Variants in FBXW8 observed in about 807,000 individuals in gnomAD.
FBXW8 encodes F-box and WD repeat domain containing 8.
In FBXW8, 57 loss-of-function variants were observed where a neutral mutation model predicts 65.3. That is an observed-to-expected ratio of 0.87 (90% confidence interval 0.71 to 1.09). The LOEUF (loss-of-function observed/expected upper bound fraction) is 1.09, where lower values mean the gene tolerates loss of function less well. Ranked by LOEUF, FBXW8 falls within the 50% of genes least tolerant of loss-of-function variation. The pLI, the probability that FBXW8 is intolerant of heterozygous loss-of-function variation, is 0.00. For missense variants in FBXW8, 777 were observed against 814.8 expected, an observed-to-expected ratio of 0.95 and a Z score of 0.57; for synonymous variants, 308 against 330.2, an observed-to-expected ratio of 0.93 and a Z score of 0.73.
At chr12:116,918,248 T>TA (rs1880604242) in intron 1 of FBXW8, among the ~76,000 whole-genome samples, 1 of 152,200 alleles carries the variant, frequency 6.6e-6, no homozygotes, top group African/African-American at 2.4e-5. Flanking sequence ...TTCTTGGAGA[T>TA]AGTGGATATA....
chr12:117,011,242 G>C (rs1445806431), intron 8 of FBXW8, among the ~76,000 whole-genome samples: 1 of 151,378 alleles, frequency 6.6e-6, no homozygotes, highest in Non-Finnish European at 1.5e-5. Context: ...CCGGCCCCGG[G>C]CTGCAGGTGG....
chr12:117,015,039 A>C (rs949405169), intron 8 of FBXW8, among the ~76,000 whole-genome samples: 2 of 152,126 alleles, frequency 1.3e-5, no homozygotes, highest in African/African-American at 2.4e-5. Context: ...CACAAGAAAG[A>C]GAAAAAAACC....
chr12:116,966,522 C>T (rs894579521), intron 5 of FBXW8, among the ~76,000 whole-genome samples: 2 of 152,090 alleles, frequency 1.3e-5, no homozygotes, highest in South Asian at 2.1e-4. Context: ...GAATCCTGAA[C>T]ATAAAGACTC....
chr12:116,985,367 T>C lies in FBXW8; in HGVS notation c.997T>C (p.Trp333Arg). Reference protein sequence around the residue: ...VMLSPNEEGYWQIAAEFEVPK... With the variant: ...VMLSPNEEGYRQIAAEFEVPK... ...GTTATCCCCCAATGAGGAGGGGTACTGGCAGATAGCTGCGGAATTTGAAGT... is the reference window on the plus strand; with the variant it reads ...GTTATCCCCCAATGAGGAGGGGTACCGGCAGATAGCTGCGGAATTTGAAGT... The change falls in exon 6 of 11, where the codon TGG (tryptophan) becomes CGG (arginine). Residue 333 changes from tryptophan to arginine, a missense_variant. By Grantham distance (101) the Trp-to-Arg change is moderately radical. Transcript: ENST00000652555. The C allele has an allele frequency of 1.2e-6, 2 of 1,613,056 alleles. No homozygotes were observed. The highest frequency in any genetic ancestry group is 8.5e-7 in the Non-Finnish European group (1 of 1,179,776).
chr12:116,932,249 C>T (rs1044351511), intron 2 of FBXW8, among the ~76,000 whole-genome samples: 4 of 152,168 alleles, frequency 2.6e-5, no homozygotes, highest in Admixed American at 2.0e-4. Flanking sequence ...ATCCATTCTC[C>T]ATAACTGCCA....
At chr12:116,984,110 A>G (rs1230781787) in intron 5 of FBXW8, among the ~76,000 whole-genome samples, 1 of 152,232 alleles carries the variant, frequency 6.6e-6, no homozygotes, top group East Asian at 1.9e-4. Context: ...TTCTTGGGTA[A>G]ATCTTCGAAG....
intron 7 of FBXW8, among the ~76,000 whole-genome samples, chr12:116,991,237 C>A (rs193251992): frequency 6.6e-6 from 1 of 152,226 alleles, no homozygotes; most frequent in Non-Finnish European, 1.5e-5. Flanking sequence ...AGGAATGCCA[C>A]CCACTCAAAA....
chr12:116,951,592 C>G (rs11830219), intron 4 of FBXW8, among the ~76,000 whole-genome samples: 2,297 of 152,136 alleles, frequency 0.015, 53 homozygotes, highest in African/African-American at 0.046. Flanking sequence ...TTTTATGTAC[C>G]TAGAGCTAAA....
intron 8 of FBXW8, among the ~76,000 whole-genome samples, chr12:117,016,040 C>T (rs1953940434): frequency 1.3e-5 from 2 of 152,160 alleles, no homozygotes; most frequent in African/African-American, 2.4e-5. Flanking sequence ...AGTAATATTC[C>T]CTTGTACAGA....
At chr12:117,025,623 C>G (rs1165615001) in intron 9 of FBXW8, among the ~76,000 whole-genome samples, 1 of 152,228 alleles carries the variant, frequency 6.6e-6, no homozygotes, top group Non-Finnish European at 1.5e-5. Context: ...TTTTATCAGA[C>G]AGAGCCCTGG....
intron 7 of FBXW8, among the ~76,000 whole-genome samples, chr12:116,996,273 C>T (rs933385788): frequency 6.6e-6 from 1 of 152,196 alleles, no homozygotes; most frequent in East Asian, 1.9e-4. Context: ...GCGCTGCTGC[C>T]TCAGCTTACA....
At chr12:116,973,228 A>G (rs150704057) in intron 5 of FBXW8, among the ~76,000 whole-genome samples, 59 of 152,356 alleles carry the variant, frequency 3.9e-4, no homozygotes, top group African/African-American at 8.4e-4. Context: ...TAGAATGTCA[A>G]CTAATAAATG....
intron 5 of FBXW8, among the ~76,000 whole-genome samples, chr12:116,980,851 GTT>G (rs1885256565): frequency 6.6e-6 from 1 of 152,080 alleles, no homozygotes; most frequent in Non-Finnish European, 1.5e-5. Flanking sequence ...TGATCATTGT[GTT>G]TTATATTTTA....
chr12:116,927,013 C>T lies in FBXW8; in HGVS notation c.319-1010C>T, dbSNP rs962430963. On this transcript the variant is annotated intron_variant, in intron 1 of 10. Transcript: ENST00000652555. ...GTATTTGAGTGGTGAATTAACAATT[C>T]GCTTGTAAGCAGTAAGTCACTGATG... Among the ~76,000 whole-genome samples, 6 of 151,974 alleles carry T rather than the reference C, an allele frequency of 3.9e-5. 1 individual carries two copies. The highest frequency in any genetic ancestry group is 1.3e-4 in the Admixed American group (2 of 15,258).
chr12:117,019,765 T>G (rs950017849), intron 8 of FBXW8, among the ~76,000 whole-genome samples: 1 of 152,134 alleles, frequency 6.6e-6, no homozygotes, highest in Non-Finnish European at 1.5e-5. Flanking sequence ...ATGAATGAAT[T>G]CTTGTTTTTT....
intron 1 of FBXW8, among the ~76,000 whole-genome samples, chr12:116,918,029 C>T (rs1880582841): frequency 6.6e-6 from 1 of 151,940 alleles, no homozygotes; most frequent in Non-Finnish European, 1.5e-5. Flanking sequence ...CGCAGGACTC[C>T]TCCCAAGCCT....
chr12:116,980,426 CAT>C (rs1421783190), intron 5 of FBXW8: 2 of 152,178 alleles, frequency 1.3e-5, no homozygotes, highest in Non-Finnish European at 2.9e-5. Context: ...ATTGCTGAAA[CAT>C]ATGACAAGCA....
intron 1 of FBXW8, among the ~76,000 whole-genome samples, chr12:116,912,066 C>T (rs1879991148): frequency 6.6e-6 from 1 of 152,000 alleles, no homozygotes; most frequent in African/African-American, 2.4e-5. Flanking sequence ...ATCCGTGGCT[C>T]CCAGGTTAAG....
chr12:116,951,164 A>G (rs1203260454), intron 4 of FBXW8: 3 of 152,180 alleles, frequency 2.0e-5, no homozygotes, highest in Non-Finnish European at 4.4e-5. Flanking sequence ...CACGATGGCC[A>G]CGTTCTGTGG....
Sources: gnomAD v4.1 joint callset for allele counts (sites outside exome capture counted in the v4.1 genomes callset) on GRCh38, gnomAD v4.1.1 for gene constraint, MANE v1.5 for transcripts, NCBI Gene and HGNC (gene_info 2026-07-23, HGNC 2026-07-21) for gene names.